TMPRSS11A: variants seen among roughly 807,000 people sequenced by gnomAD.
The protein encoded by TMPRSS11A is transmembrane protease serine 11A.
TMPRSS11A carries 53 observed loss-of-function variants against 58.9 expected under a neutral mutation model. The ratio of observed to expected loss-of-function variants is 0.90; its 90% CI spans 0.72 to 1.13. The LOEUF is 1.13. Among genes scored for constraint, TMPRSS11A ranks in the 50% most tolerant of loss-of-function variants. The probability of loss-of-function intolerance (pLI) is 0.00; values close to 1 mark genes in which losing one functional copy is unlikely to be tolerated. For missense variants in TMPRSS11A, 493 were observed against 499.3 expected, an observed-to-expected ratio of 0.99 and a Z score of 0.12; for synonymous variants, 167 against 169.8, an observed-to-expected ratio of 0.98 and a Z score of 0.13.
At position 67,963,466 on chromosome 4, in the gene TMPRSS11A, C is replaced by T; in HGVS notation, c.-73G>A. The T allele has an allele frequency of 6.6e-7, 1 of 1,513,326 alleles. No homozygotes were observed. The highest frequency in any genetic ancestry group is 9.1e-7 in the Non-Finnish European group (1 of 1,097,544). 93.7% of individuals were successfully genotyped at this position (1,513,326 alleles called of 1,614,324 possible). A position where few individuals can be genotyped will look rare whatever the true frequency, so the allele number is the denominator to read the frequency against. On this transcript the variant is annotated 5_prime_UTR_variant, in exon 1 of 10. Coordinates refer to ENST00000508048, the MANE Select transcript of TMPRSS11A (RefSeq NM_001114387.2). Reference sequence around the variant, plus strand: ...AACTTTCTAATCAACTATATGACATCTCTAGATGTATTAGAAGTCTACGGC... The same window carrying T: ...AACTTTCTAATCAACTATATGACATTTCTAGATGTATTAGAAGTCTACGGC...
intron 5 of TMPRSS11A, 117 bp from the exon 6 acceptor site, chr4:67,924,283 G>A: frequency 1.2e-6 from 1 of 844,602 alleles, no homozygotes; most frequent in Non-Finnish European, 2.0e-6. Flanking sequence ...TGAACATATA[G>A]ATTAATTAGG....
intron 1 of TMPRSS11A, among the ~76,000 whole-genome samples, chr4:67,953,525 G>A (rs531852509): frequency 4.6e-5 from 7 of 152,324 alleles, no homozygotes; most frequent in African/African-American, 1.7e-4. Flanking sequence ...GGGGCCAGGT[G>A]TGGTGGCTCA....
intron 1 of TMPRSS11A, among the ~76,000 whole-genome samples, chr4:67,956,719 T>C (rs1721300057): frequency 6.6e-6 from 1 of 152,266 alleles, no homozygotes; most frequent in Admixed American, 6.5e-5. Context: ...AATCATATGC[T>C]TATCTGATCA....
intron 7 of TMPRSS11A, 25 bp from the exon 8 acceptor site, chr4:67,919,257 A>AAT (rs1720254299): frequency 1.2e-6 from 2 of 1,608,416 alleles, no homozygotes; most frequent in East Asian, 2.2e-5. Flanking sequence ...AAATTAACAG[A>AAT]ATATATATAA....
At chr4:67,959,193 A>C (rs1044176622) in intron 1 of TMPRSS11A, among the ~76,000 whole-genome samples, 3 of 152,230 alleles carry the variant, frequency 2.0e-5, no homozygotes, top group African/African-American at 7.2e-5. Context: ...ATATATTTCA[A>C]TTCATTGACT....
chr4:67,930,593 A>G (rs1396853240), intron 4 of TMPRSS11A, among the ~76,000 whole-genome samples: 1 of 152,026 alleles, frequency 6.6e-6, no homozygotes, highest in Non-Finnish European at 1.5e-5. Context: ...CTCTAGCCCA[A>G]ATATTTGAAG....
intron 1 of TMPRSS11A, among the ~76,000 whole-genome samples, chr4:67,949,164 C>T (rs1721095581): frequency 6.6e-6 from 1 of 151,838 alleles, no homozygotes; most frequent in Non-Finnish European, 1.5e-5. Context: ...GAGCACAGTT[C>T]CTCTGAGTAA....
rs767413425 is a variant in TMPRSS11A, at chr4:67,919,236, G to T, written c.693-4C>A. The T allele has an allele frequency of 2.0e-5, 33 of 1,612,666 alleles. No homozygotes were observed. Among genetic ancestry groups the T allele is most frequent in the Middle Eastern group, 3.3e-4 (2 of 5,986 alleles). On this transcript the variant is annotated splice_region_variant and splice_polypyrimidine_tract_variant and intron_variant, in intron 7 of 9. Coordinates refer to ENST00000508048, the MANE Select transcript of TMPRSS11A (RefSeq NM_001114387.2). Reference sequence around the variant, plus strand: ...CCATTGATGTGGATTTTTATACCTGGAAAAGGTTAGAAATTAACAGAATAT... The same window carrying T: ...CCATTGATGTGGATTTTTATACCTGTAAAAGGTTAGAAATTAACAGAATAT...
chr4:67,961,462 C>A (rs1041258940), intron 1 of TMPRSS11A, among the ~76,000 whole-genome samples: 1 of 130,940 alleles, frequency 7.6e-6, no homozygotes. Context: ...CTTTTCTTTT[C>A]TTTCCTTTCC....
Position 67,944,995 on chromosome 4 carries a change from T to C in TMPRSS11A, c.134-358A>G, listed in dbSNP as rs542042511. ...GCCTGTCCAAGTTTTAAATCCAGTC[T>C]AGCTGTAGAGCTTGAACATTTCATT... On this transcript the variant is annotated intron_variant, in intron 2 of 9. Transcript: ENST00000508048. 1.1e-4 allele frequency among the ~76,000 whole-genome samples: 16 copies of C among 152,328 alleles called. No homozygotes were observed. The East Asian group carries it at 3.1e-3, about 29-fold the overall frequency.
chr4:67,945,936 T>A (rs901726246), intron 2 of TMPRSS11A, among the ~76,000 whole-genome samples: 4 of 152,192 alleles, frequency 2.6e-5, no homozygotes, highest in Non-Finnish European at 5.9e-5. Flanking sequence ...TAAAAATAAA[T>A]GATAATATTG....
intron 8 of TMPRSS11A, among the ~76,000 whole-genome samples, chr4:67,916,039 C>G (rs543713998): frequency 6.6e-6 from 1 of 152,148 alleles, no homozygotes; most frequent in Non-Finnish European, 1.5e-5. Context: ...ACCAGCATCT[C>G]CCTAACTCCT....
chr4:67,929,756 T>C (rs542811319), intron 5 of TMPRSS11A, 124 bp downstream of exon 5: 2 of 949,178 alleles, frequency 2.1e-6, no homozygotes, highest in Non-Finnish European at 3.1e-6. Flanking sequence ...CATCTTTAAC[T>C]TGAATTTTTT....
chr4:67,945,221 A>G (rs1720972646), intron 2 of TMPRSS11A, among the ~76,000 whole-genome samples: 1 of 152,178 alleles, frequency 6.6e-6, no homozygotes, highest in African/African-American at 2.4e-5. Flanking sequence ...CTATTAGGAA[A>G]TGTAAGAAAG....
In TMPRSS11A at chr4:67,944,592, G is replaced by T. The variant is rs1385007692; in HGVS notation, c.179C>A (p.Pro60Gln). 1 of 1,612,520 alleles carries T rather than the reference G, an allele frequency of 6.2e-7. No individual in the cohort carries two copies. Among genetic ancestry groups the T allele is most frequent in the South Asian group, 1.1e-5 (1 of 91,002 alleles). Residue 60 changes from proline to glutamine, a missense_variant, in exon 3 of 10, where the codon CCA becomes CAA. Transcript: ENST00000508048. ...YYHGSFKILDPQINNNFGQSN... is the reference protein window; with the variant it reads ...YYHGSFKILDQQINNNFGQSN... ...TTGTCCGAAATTGTTATTGATTTGT[G>T]GATCTAAAATTTTAAAGGAGCCATG...
intron 1 of TMPRSS11A, among the ~76,000 whole-genome samples, chr4:67,953,563 T>C (rs1577872247): frequency 6.6e-6 from 1 of 151,894 alleles, no homozygotes; most frequent in Non-Finnish European, 1.5e-5. Context: ...CTTTCGGAGG[T>C]AGAGGTGGGC....
At chr4:67,955,329 C>T (rs1168645536) in intron 1 of TMPRSS11A, among the ~76,000 whole-genome samples, 1 of 152,178 alleles carries the variant, frequency 6.6e-6, no homozygotes, top group Non-Finnish European at 1.5e-5. Context: ...TAGTGCTTAA[C>T]ATTATGCAGT....
At chr4:67,937,919 A>G (rs922340364) in intron 3 of TMPRSS11A, among the ~76,000 whole-genome samples, 1 of 152,182 alleles carries the variant, frequency 6.6e-6, no homozygotes, top group Non-Finnish European at 1.5e-5. Flanking sequence ...TTGGGTATAC[A>G]CCCAGTAAGA....
chr4:67,946,522 C>A lies in TMPRSS11A; in HGVS notation c.61G>T (p.Ala21Ser). The stretch of plus-strand genomic sequence containing the variant: ...GTCAGGGACAACACAATGAGAACGG[C>A]AATCATCCATGGCTTCAGATTTCTG... ...RSRNLKPWMI[A>S]VLIVLSLTVV... The change falls in exon 2 of 10, where the codon GCC (alanine) becomes TCC (serine). Residue 21 changes from alanine to serine, a missense_variant. Transcript: ENST00000508048. The A allele has an allele frequency of 6.2e-7, 1 of 1,612,704 alleles. No individual in the cohort carries two copies. The highest frequency in any genetic ancestry group is 8.5e-7 in the Non-Finnish European group (1 of 1,179,380).
Sources: allele counts gnomAD v4.1 joint callset (sites outside exome capture counted in the v4.1 genomes callset), GRCh38; gene constraint gnomAD v4.1.1; transcripts MANE v1.5; gene names NCBI Gene and HGNC (gene_info 2026-07-23, HGNC 2026-07-21).